DNAH14: variants seen among roughly 807,000 people sequenced by gnomAD.
DNAH14 encodes dynein axonemal heavy chain 14, also known as axonemal beta dynein heavy chain 14.
A neutral mutation model predicts 520.9 loss-of-function variants in DNAH14; 478 were observed. The ratio of observed to expected loss-of-function variants is 0.92; its 90% CI spans 0.85 to 0.99. The LOEUF is 0.99. Ranked by LOEUF, DNAH14 falls within the 50% of genes least tolerant of loss-of-function variation. DNAH14 has a pLI of 0.00. For synonymous variants in DNAH14, 1,581 were observed against 1,757.2 expected, an observed-to-expected ratio of 0.90 and a Z score of 2.51; for missense variants, 4,831 against 5,234.5, an observed-to-expected ratio of 0.92 and a Z score of 2.38.
chr1:225,173,781 A>C (rs984369962), intron 36 of DNAH14, among the ~76,000 whole-genome samples: 4 of 152,240 alleles, frequency 2.6e-5, no homozygotes, highest in African/African-American at 9.6e-5. Context: ...AAGGATTATA[A>C]ATCATGCTAG....
intron 38 of DNAH14, among the ~76,000 whole-genome samples, chr1:225,193,114 A>G (rs1310898543): frequency 6.6e-6 from 1 of 152,188 alleles, no homozygotes; most frequent in Non-Finnish European, 1.5e-5. Context: ...TGATCAGTAA[A>G]TGATAGAATG....
At chr1:224,939,393 G>A (rs974605659) in intron 1 of DNAH14, among the ~76,000 whole-genome samples, 11 of 152,240 alleles carry the variant, frequency 7.2e-5, no homozygotes, top group Admixed American at 4.6e-4. Context: ...AAAAACGGCC[G>A]GGTGTGGTGG....
intron 43 of DNAH14, among the ~76,000 whole-genome samples, chr1:225,242,473 G>A (rs1183364569): frequency 1.3e-5 from 2 of 151,702 alleles, no homozygotes; most frequent in African/African-American, 4.8e-5. Flanking sequence ...ATTAGCCTAG[G>A]CCTACGTGGG....
chr1:225,023,468 T>G, intron 10 of DNAH14, 147 bp from the exon 11 acceptor site: 3 of 579,704 alleles, frequency 5.2e-6, no homozygotes, highest in Non-Finnish European at 8.4e-6. Flanking sequence ...AGGCCTACCC[T>G]TTAAATCATT....
intron 46 of DNAH14, among the ~76,000 whole-genome samples, chr1:225,263,014 AG>A (rs1157701763): frequency 2.7e-5 from 4 of 150,184 alleles, no homozygotes; most frequent in Non-Finnish European, 5.9e-5. Flanking sequence ...GAAAAAAAAA[AG>A]AACAAACAAT....
At chr1:225,366,632 G>A (rs2095556218) in intron 76 of DNAH14, among the ~76,000 whole-genome samples, 1 of 152,150 alleles carries the variant, frequency 6.6e-6, no homozygotes, top group Non-Finnish European at 1.5e-5. Flanking sequence ...GACATGCCTT[G>A]GAAAATAGAG....
intron 41 of DNAH14, among the ~76,000 whole-genome samples, chr1:225,229,190 G>C (rs2090853273): frequency 6.6e-6 from 1 of 152,172 alleles, no homozygotes; most frequent in Non-Finnish European, 1.5e-5. Context: ...TGGTTCCCTA[G>C]CTGTGCAGTC....
intron 1 of DNAH14, among the ~76,000 whole-genome samples, chr1:224,943,544 G>T (rs943728863): frequency 6.6e-6 from 1 of 151,944 alleles, no homozygotes; most frequent in African/African-American, 2.4e-5. Flanking sequence ...TAGCTTTTCA[G>T]TGTGTTTGCT....
At chr1:225,136,718 TCTC>T (rs1369556725) in intron 27 of DNAH14, among the ~76,000 whole-genome samples, 6 of 152,174 alleles carry the variant, frequency 3.9e-5, no homozygotes, top group African/African-American at 1.2e-4. Flanking sequence ...TTGGGGAAGT[TCTC>T]CTGGATGATA....
intron 27 of DNAH14, among the ~76,000 whole-genome samples, chr1:225,138,014 A>G (rs2079108491): frequency 2.0e-5 from 3 of 152,136 alleles, no homozygotes; most frequent in African/African-American, 7.2e-5. Context: ...TCTGGCCATG[A>G]TCTGGCAAGG....
rs201491718 is a variant in DNAH14 at position 225,011,321 on chromosome 1, AG to A, written c.1107+3778del. ...ATGTCTTTGTTCTCATTGGTTTCAA[AG>A]AACTTAATCATTTCTGCTTTAATTT... On this transcript the variant is annotated intron_variant, in intron 10 of 85. Coordinates refer to ENST00000682510, the MANE Select transcript of DNAH14 (RefSeq NM_001367479.1). Among the ~76,000 whole-genome samples, 291 of 152,302 alleles carry A rather than the reference AG, an allele frequency of 1.9e-3. 2 individuals carry two copies. Among genetic ancestry groups the A allele is most frequent in the Admixed American group, 0.017 (261 of 15,296 alleles).
intron 10 of DNAH14, among the ~76,000 whole-genome samples, chr1:225,021,667 G>A (rs2065705476): frequency 6.6e-6 from 1 of 152,056 alleles, no homozygotes; most frequent in Non-Finnish European, 1.5e-5. Flanking sequence ...ATTCCATGCT[G>A]ATGAATAGGA....
intron 1 of DNAH14, among the ~76,000 whole-genome samples, chr1:224,935,766 T>G (rs564785242): frequency 7.9e-5 from 12 of 151,946 alleles, no homozygotes; most frequent in African/African-American, 2.4e-4. Context: ...GAATATATAT[T>G]CTTATTAGCA....
chr1:225,392,299 G>C lies in DNAH14; in HGVS notation c.13339G>C (p.Ala4447Pro). The C allele has an allele frequency of 6.4e-7, 1 of 1,552,344 alleles. No individual in the cohort carries two copies. The highest frequency in any genetic ancestry group is 2.4e-5 in the East Asian group (1 of 40,916). ...TGTGTTCTTCTCCAAAGCCTTTCTT[G>C]CTGCTGTGCTTCAAGACTATGGGAG... Reference protein sequence around the residue: ...PAFFFPQAFLAAVLQDYGRSR... With the variant: ...PAFFFPQAFLPAVLQDYGRSR... Residue 4447 changes from alanine to proline, a missense_variant, in exon 84 of 86, where the codon GCT (alanine) becomes CCT (proline). Ala to Pro is a conservative substitution (Grantham distance 27, BLOSUM62 -1). Transcript: ENST00000682510.
At position 225,381,960 on chromosome 1, in the gene DNAH14, C is replaced by T. The variant is rs1291402595; in HGVS notation, c.13077+381C>T. Among the ~76,000 whole-genome samples the T allele has an allele frequency of 2.6e-5, 4 of 152,318 alleles. No homozygotes were observed. The East Asian group carries it at 7.7e-4, about 29-fold the overall frequency. On this transcript the variant is annotated intron_variant, in intron 81 of 85. Transcript: ENST00000682510. Reference sequence around the variant, plus strand: ...TAAACAGAAGACCAAATTGTAAAAACACAAAATGTATTAGACCAGGAATAA... The same window carrying T: ...TAAACAGAAGACCAAATTGTAAAAATACAAAATGTATTAGACCAGGAATAA...
At chr1:225,121,227 A>G (rs2077261848) in intron 26 of DNAH14, among the ~76,000 whole-genome samples, 1 of 152,186 alleles carries the variant, frequency 6.6e-6, no homozygotes. Flanking sequence ...TAATTAAAAT[A>G]CTCATCACCT....
At chr1:225,179,760 T>G (rs1388601386) in intron 36 of DNAH14, among the ~76,000 whole-genome samples, 1 of 152,204 alleles carries the variant, frequency 6.6e-6, no homozygotes, top group Non-Finnish European at 1.5e-5. Flanking sequence ...TCCTTCAGAT[T>G]GAAGAACTCC....
intron 8 of DNAH14, among the ~76,000 whole-genome samples, chr1:224,977,256 A>G (rs1029228487): frequency 1.1e-4 from 16 of 149,164 alleles, no homozygotes; most frequent in Non-Finnish European, 1.9e-4. Context: ...CAAACACCGC[A>G]TGTTCTCACT....
At chr1:225,253,457 C>T (rs1574313325) in intron 44 of DNAH14, among the ~76,000 whole-genome samples, 1 of 152,192 alleles carries the variant, frequency 6.6e-6, no homozygotes, top group East Asian at 1.9e-4. Context: ...ACTTTCAAAC[C>T]CAAACCTGTA....
Sources: gnomAD v4.1 joint callset for allele counts (sites outside exome capture counted in the v4.1 genomes callset) on GRCh38, gnomAD v4.1.1 for gene constraint, MANE v1.5 for transcripts, NCBI Gene and HGNC (gene_info 2026-07-23, HGNC 2026-07-21) for gene names.